The following GRIN3A variants were observed in gnomAD, a reference collection of about 807,000 sequenced individuals.
GRIN3A encodes the protein glutamate ionotropic receptor NMDA type subunit 3A.
GRIN3A carries 47 observed loss-of-function variants against 92.4 expected under a neutral mutation model. That is an observed-to-expected ratio of 0.51 (90% CI 0.40 to 0.65). The LOEUF (loss-of-function observed/expected upper bound fraction) is 0.65, where lower values mean the gene tolerates loss of function less well. GRIN3A is among the 30% of genes least tolerant of loss of function. The pLI is 0.00. For synonymous variants in GRIN3A, 527 were observed against 540.6 expected, an observed-to-expected ratio of 0.97 and a Z score of 0.35; for missense variants, 1,324 against 1,393.1, an observed-to-expected ratio of 0.95 and a Z score of 0.79.
intron 2 of GRIN3A, among the ~76,000 whole-genome samples, chr9:101,684,474 C>T (rs1168195595): frequency 6.6e-6 from 1 of 151,924 alleles, no homozygotes; most frequent in Non-Finnish European, 1.5e-5. Context: ...GGATAAGGCT[C>T]AATAATAGCG....
chr9:101,680,531 A>G (rs1276637033), intron 2 of GRIN3A, among the ~76,000 whole-genome samples: 1 of 152,212 alleles, frequency 6.6e-6, no homozygotes, highest in African/African-American at 2.4e-5. Flanking sequence ...ATCATAATTC[A>G]GGGTCAACTG....
At chr9:101,600,976 TTAA>T (rs772354451) in intron 6 of GRIN3A, 1 of 152,202 alleles carries the variant, frequency 6.6e-6, no homozygotes, top group Non-Finnish European at 1.5e-5. Context: ...AGAATTATAA[TTAA>T]TAATACAAGA....
intron 1 of GRIN3A, among the ~76,000 whole-genome samples, chr9:101,704,738 C>T (rs1013880414): frequency 1.3e-5 from 2 of 152,042 alleles, no homozygotes; most frequent in African/African-American, 2.4e-5. Flanking sequence ...GCATGTTTAA[C>T]GTGGGCTAGG....
intron 5 of GRIN3A, among the ~76,000 whole-genome samples, chr9:101,622,093 C>T (rs1238622914): frequency 2.0e-5 from 3 of 152,084 alleles, no homozygotes; most frequent in Admixed American, 6.6e-5. Context: ...GGTGACTTTG[C>T]CTGGAGAGGG....
chr9:101,643,744 T>C (rs1332320842), intron 3 of GRIN3A, among the ~76,000 whole-genome samples: 1 of 151,086 alleles, frequency 6.6e-6, no homozygotes, highest in Non-Finnish European at 1.5e-5. Context: ...TAATGCTGTT[T>C]ATGACAACAC....
intron 2 of GRIN3A, among the ~76,000 whole-genome samples, chr9:101,680,604 C>T (rs1259338587): frequency 1.3e-5 from 2 of 152,004 alleles, no homozygotes; most frequent in South Asian, 2.1e-4. Context: ...AGGGTGTTAT[C>T]CCAGTGAAGA....
At chr9:101,594,721 A>C in intron 6 of GRIN3A, 1 of 1,614,176 alleles carries the variant, frequency 6.2e-7, no homozygotes, top group South Asian at 1.1e-5. Flanking sequence ...CCACTTCTCC[A>C]TCACCGTCGG....
rs1029279340 is a variant in GRIN3A at position 101,738,610 on chromosome 9, GC to G, written c.-632del. The stretch of plus-strand genomic sequence containing the variant: ...TCTTTCGTTATTTTTCCACCGAGTC[GC>G]CACCGCCGCTTGCTTCCTCGGAGGA... On this transcript the variant is annotated 5_prime_UTR_variant, in exon 1 of 9. Coordinates refer to ENST00000361820, the MANE Select transcript of GRIN3A (RefSeq NM_133445.3). 14 of 153,134 alleles carry G rather than the reference GC, an allele frequency of 9.1e-5. No homozygotes were observed. Among genetic ancestry groups the G allele is most frequent in the African/African-American group, 3.4e-4 (14 of 41,398 alleles). 9.5% of individuals were successfully genotyped at this position (153,134 alleles called of 1,614,324 possible). A position where few individuals can be genotyped will look rare whatever the true frequency, so the allele number is the denominator to read the frequency against.
At position 101,712,771 on chromosome 9, in the gene GRIN3A, G is replaced by A. The variant is rs185672485; in HGVS notation, c.699+24510C>T. On this transcript the variant is annotated intron_variant, in intron 1 of 8. Transcript: ENST00000361820. The stretch of plus-strand genomic sequence containing the variant: ...GAAACAGAATAAAAAATATGAGATC[G>A]TTATTCCATGTAACAATGATATAAC... 2.5e-3 allele frequency among the ~76,000 whole-genome samples: 387 copies of A among 152,218 alleles called. 1 individual carries two copies. The highest frequency in any genetic ancestry group is 8.2e-3 in the African/African-American group (342 of 41,542).
intron 2 of GRIN3A, among the ~76,000 whole-genome samples, chr9:101,676,783 T>C (rs748800503): frequency 6.6e-6 from 1 of 152,026 alleles, no homozygotes; most frequent in Non-Finnish European, 1.5e-5. Flanking sequence ...CTACCAACTA[T>C]TGGCATGTAG....
At chr9:101,673,579 A>G (rs1438309841) in intron 2 of GRIN3A, among the ~76,000 whole-genome samples, 1 of 152,196 alleles carries the variant, frequency 6.6e-6, no homozygotes, top group East Asian at 1.9e-4. Context: ...CACCTGTACT[A>G]ATGGAATGAC....
chr9:101,579,240 T>C lies in GRIN3A; in HGVS notation c.2887A>G (p.Ile963Val), dbSNP rs1321631015. The change falls in exon 7 of 9, where the codon ATC becomes GTC. Residue 963 changes from isoleucine to valine, a missense_variant. Physicochemically the swap from Ile to Val is conservative, Grantham distance 29 (BLOSUM62 3). Coordinates refer to ENST00000361820, the MANE Select transcript of GRIN3A (RefSeq NM_133445.3). The stretch of plus-strand genomic sequence containing the variant: ...TATTGCAGCTTGGATTTGTTTTTGA[T>C]TCGTGGTAGCAGCAGCCTGTATACT... ...HIVYRLLLPRIKNKSKLQYWL... is the reference protein window; with the variant it reads ...HIVYRLLLPRVKNKSKLQYWL... The C allele has an allele frequency of 6.2e-7, 1 of 1,613,990 alleles. No individual in the cohort carries two copies. The highest frequency in any genetic ancestry group is 8.5e-7 in the Non-Finnish European group (1 of 1,179,928).
chr9:101,572,046 C>T lies in GRIN3A; in HGVS notation c.*1128G>A, dbSNP rs1588231885. ...TGGAGGATCATTAGAGGGACCAAAA[C>T]CAGTTCATAGCTCCTCAGAGATGAG... On this transcript the variant is annotated 3_prime_UTR_variant, in exon 9 of 9. Coordinates refer to ENST00000361820, the MANE Select transcript of GRIN3A (RefSeq NM_133445.3). 2.7e-5 allele frequency: 4 copies of T among 149,354 alleles called. No individual in the cohort carries two copies. In the East Asian group the frequency reaches 6.4e-4, roughly 24 times the overall value. The allele number at this position is 149,354 out of a possible 1,614,324, so 9.3% of individuals were successfully genotyped here.
At chr9:101,678,076 C>T (rs999487168) in intron 2 of GRIN3A, among the ~76,000 whole-genome samples, 1 of 152,118 alleles carries the variant, frequency 6.6e-6, no homozygotes. Context: ...CAGCATTTAT[C>T]TAAGTACCTA....
chr9:101,601,008 A>G (rs1175345910), intron 6 of GRIN3A: 1 of 152,194 alleles, frequency 6.6e-6, no homozygotes, highest in African/African-American at 2.4e-5. Context: ...AAAACATGTC[A>G]TCAGAGAGGT....
chr9:101,720,729 T>C (rs1270221465), intron 1 of GRIN3A, among the ~76,000 whole-genome samples: 4 of 152,232 alleles, frequency 2.6e-5, no homozygotes, highest in Non-Finnish European at 5.9e-5. Context: ...AGAAAAATGC[T>C]TTTTAATATA....
intron 1 of GRIN3A, among the ~76,000 whole-genome samples, chr9:101,724,780 G>A (rs1039652246): frequency 1.3e-5 from 2 of 152,188 alleles, no homozygotes; most frequent in South Asian, 2.1e-4. Flanking sequence ...TTTCACCTCC[G>A]GCTGTGATTC....
intron 3 of GRIN3A, among the ~76,000 whole-genome samples, chr9:101,665,155 A>G (rs1256019855): frequency 2.0e-5 from 3 of 152,022 alleles, no homozygotes; most frequent in African/African-American, 4.8e-5. Context: ...ACAGAAATGT[A>G]GTTTTAAGAA....
At chr9:101,624,539 A>G (rs1564129395) in intron 4 of GRIN3A, among the ~76,000 whole-genome samples, 1 of 151,998 alleles carries the variant, frequency 6.6e-6, no homozygotes, top group Non-Finnish European at 1.5e-5. Flanking sequence ...CCATGTCCCT[A>G]CAGAGGACAT....
Sources: allele counts gnomAD v4.1 joint callset (sites outside exome capture counted in the v4.1 genomes callset), GRCh38; gene constraint gnomAD v4.1.1; transcripts MANE v1.5; gene names NCBI Gene and HGNC (gene_info 2026-07-23, HGNC 2026-07-21).